Variants in LPP observed in about 807,000 individuals in gnomAD.
The protein encoded by LPP is lipoma-preferred partner.
Under a neutral mutation model 60.4 loss-of-function variants are expected in LPP, and 38 were observed. The observed-to-expected ratio is 0.63, with a 90% CI of 0.49 to 0.83. The LOEUF is 0.83. Among genes scored for constraint, LPP ranks in the 40% least tolerant of loss-of-function variants. LPP has a pLI of 0.00. For missense variants in LPP, 902 were observed against 783.6 expected (o/e 1.15, Z -1.80); for synonymous variants, 328 against 290.8 (o/e 1.13, Z -1.30).
intron 3 of LPP, among the ~76,000 whole-genome samples, chr3:188,349,468 G>C (rs1016191293): frequency 1.3e-5 from 2 of 152,190 alleles, no homozygotes; most frequent in Non-Finnish European, 2.9e-5. Context: ...TGGCATCTGA[G>C]TCCTCGTGTG....
chr3:188,710,100 G>T, intron 8 of LPP: 1 of 152,116 alleles, frequency 6.6e-6, no homozygotes. Context: ...AAATTGCACA[G>T]GATTTTTGCT....
intron 7 of LPP, among the ~76,000 whole-genome samples, chr3:188,643,870 G>A (rs1443547709): frequency 6.6e-6 from 1 of 152,102 alleles, no homozygotes. Context: ...TATGACACAA[G>A]GTAGAAAATA....
intron 9 of LPP, among the ~76,000 whole-genome samples, chr3:188,829,799 C>G (rs1182070437): frequency 6.6e-6 from 1 of 152,106 alleles, no homozygotes; most frequent in Admixed American, 6.6e-5. Flanking sequence ...CTGAATAGTG[C>G]CTTGAAGCCT....
intron 2 of LPP, among the ~76,000 whole-genome samples, chr3:188,324,062 T>C (rs1245342875): frequency 1.3e-5 from 2 of 152,210 alleles, no homozygotes; most frequent in Non-Finnish European, 2.9e-5. Context: ...TATCTATAAC[T>C]ACAATAATTT....
In LPP at chr3:188,410,459, T is replaced by A. The variant is rs537880326; in HGVS notation, c.193+4146T>A. Reference sequence around the variant, plus strand: ...TCAACTTATCTTTCTGGGGTACCCATATTTATAATTTCTTTTATAAGATAT... The same window carrying A: ...TCAACTTATCTTTCTGGGGTACCCAAATTTATAATTTCTTTTATAAGATAT... On this transcript the variant is annotated intron_variant, in intron 4 of 11. Transcript: ENST00000617246. Among the ~76,000 whole-genome samples, 13 of 152,370 alleles carry A rather than the reference T, an allele frequency of 8.5e-5. No homozygotes were observed. The South Asian group carries it at 2.7e-3, about 32-fold the overall frequency.
At position 188,572,875 on chromosome 3, in the gene LPP, C is replaced by T. The variant is rs576686098; in HGVS notation, c.430-36286C>T. 6.6e-6 allele frequency among the ~76,000 whole-genome samples: 1 copy of T among 152,210 alleles called. No individual in the cohort carries two copies. Among genetic ancestry groups the T allele is most frequent in the South Asian group, 2.1e-4 (1 of 4,820 alleles). On this transcript the variant is annotated intron_variant, in intron 6 of 11. Coordinates refer to ENST00000617246, the MANE Select transcript of LPP (RefSeq NM_001375462.1). The surrounding 1 kb of genome is among the most constrained non-coding windows in gnomAD (Gnocchi z 4.1). ...TTGTCATTTCCAACACTTTTGACCT[C>T]CATGCCAGAGTAAAAGAGCTCTGAG...
chr3:188,178,983 AGAGCACGACAAAGAGAGAGAGAGAGAGT>A (rs1723954424), intron 1 of LPP: 2 of 282,804 alleles, frequency 7.1e-6, no homozygotes, highest in Non-Finnish European at 1.4e-5. Flanking sequence ...AGGGAGAGAG[AGAGCACGACAAAGAGAGAGAGAGAGAGT>A]GAGCAAGAGA....
At chr3:188,316,761 A>G (rs962081295) in intron 2 of LPP, among the ~76,000 whole-genome samples, 7 of 152,344 alleles carry the variant, frequency 4.6e-5, no homozygotes, top group African/African-American at 1.7e-4. Context: ...AATCAAAACA[A>G]AAATGCAAAG....
intron 6 of LPP, among the ~76,000 whole-genome samples, chr3:188,532,487 G>A (rs2150292254): frequency 6.6e-6 from 1 of 152,298 alleles, no homozygotes; most frequent in South Asian, 2.1e-4. Flanking sequence ...ATAGAGGAAA[G>A]AGGTGAGTTT....
At chr3:188,545,365 C>T (rs560459882) in intron 6 of LPP, among the ~76,000 whole-genome samples, 12 of 149,522 alleles carry the variant, frequency 8.0e-5, no homozygotes, top group African/African-American at 3.0e-4. Context: ...TGAGGCAAAA[C>T]AAGCACTCCC....
Position 188,800,347 on chromosome 3 carries a change from G to A in LPP, c.1410+40065G>A, listed in dbSNP as rs889187979. On this transcript the variant is annotated intron_variant, in intron 9 of 11. Transcript: ENST00000617246. ...TGCAAGCTCCACCTCCCAGGTTCAC[G>A]CCATTCTCCTGCCTCAGCCTCCCGA... is the stretch of plus-strand genomic sequence containing the variant. 4.1e-4 allele frequency among the ~76,000 whole-genome samples: 60 copies of A among 145,818 alleles called. 2 individuals are homozygous for A. The highest frequency in any genetic ancestry group is 2.9e-3 in the Admixed American group (41 of 14,082).
intron 1 of LPP, among the ~76,000 whole-genome samples, chr3:188,161,393 T>TG (rs1718234581): frequency 1.3e-5 from 2 of 152,172 alleles, no homozygotes; most frequent in African/African-American, 4.8e-5. Flanking sequence ...TAATATCAGG[T>TG]AGCTTAATTC....
rs556972594 is a variant in LPP, at chr3:188,738,612, T to G, written c.1241-21501T>G. On this transcript the variant is annotated intron_variant, in intron 8 of 11. Transcript: ENST00000617246. ...ATCCCTATTTTCAAACATAGTCGTT[T>G]GATAAAGTGTGGGCTGCTTTTCATC... is the stretch of plus-strand genomic sequence containing the variant. Among the ~76,000 whole-genome samples, 5 of 152,292 alleles carry G rather than the reference T, an allele frequency of 3.3e-5. No homozygotes were observed. In the South Asian group the frequency reaches 1.0e-3, roughly 32 times the overall value.
At chr3:188,451,799 G>A (rs902665259) in intron 4 of LPP, among the ~76,000 whole-genome samples, 6 of 152,162 alleles carry the variant, frequency 3.9e-5, no homozygotes, top group South Asian at 2.1e-4. Context: ...AGAATAATGT[G>A]TGCAGAGATC....
chr3:188,305,094 G>T (rs1751092113), intron 2 of LPP, among the ~76,000 whole-genome samples: 1 of 151,878 alleles, frequency 6.6e-6, no homozygotes, highest in Non-Finnish European at 1.5e-5. Flanking sequence ...TCTGCATTAT[G>T]GTTATATATG....
rs548711648 is a variant in LPP at position 188,702,080 on chromosome 3, G to C, written c.1114-6187G>C. 2.7e-4 allele frequency among the ~76,000 whole-genome samples: 41 copies of C among 150,226 alleles called. No homozygotes were observed. In the South Asian group the frequency reaches 8.7e-3, roughly 32 times the overall value. On this transcript the variant is annotated intron_variant, in intron 7 of 11. Transcript: ENST00000617246. ...TTCTTCTGCCTCAGCCTCCAGAGTAGCTGGGACTACAGACACCAGGCACCC... is the reference window on the plus strand; with the variant it reads ...TTCTTCTGCCTCAGCCTCCAGAGTACCTGGGACTACAGACACCAGGCACCC...
intron 2 of LPP, chr3:188,312,823 T>C (rs1212167731): frequency 6.6e-6 from 1 of 152,230 alleles, no homozygotes; most frequent in Non-Finnish European, 1.5e-5. Context: ...GATGAGTTCA[T>C]GTCCTTTGTA....
At chr3:188,750,044 G>T (rs1413412922) in intron 8 of LPP, among the ~76,000 whole-genome samples, 1 of 152,132 alleles carries the variant, frequency 6.6e-6, no homozygotes, top group Non-Finnish European at 1.5e-5. Flanking sequence ...CAGCAGGCTT[G>T]GTTTTCTGGT....
chr3:188,280,742 A>G (rs1369374510), intron 2 of LPP, among the ~76,000 whole-genome samples: 1 of 152,098 alleles, frequency 6.6e-6, no homozygotes, highest in Non-Finnish European at 1.5e-5. Flanking sequence ...TGGGTTAACC[A>G]ACTGGTGGAT....
Sources: gnomAD v4.1 joint callset for allele counts (sites outside exome capture counted in the v4.1 genomes callset) on GRCh38, gnomAD v4.1.1 for gene constraint, Gnocchi (gnomAD v3.1) non-coding constraint, MANE v1.5 for transcripts, NCBI Gene and HGNC (gene_info 2026-07-23, HGNC 2026-07-21) for gene names.